Variants in TMPRSS12 observed in about 807,000 individuals in gnomAD.
TMPRSS12 encodes transmembrane protease serine 12.
TMPRSS12 carries 25 observed loss-of-function variants against 26.0 expected under a neutral mutation model. The observed-to-expected ratio is 0.96, with a 90% confidence interval of 0.70 to 1.34. The LOEUF (loss-of-function observed/expected upper bound fraction) is 1.34, where lower values mean the gene tolerates loss of function less well. Among genes scored for constraint, TMPRSS12 ranks in the 40% most tolerant of loss-of-function variants. The probability of loss-of-function intolerance (pLI) is 0.00; values close to 1 mark genes in which losing one functional copy is unlikely to be tolerated. For synonymous variants in TMPRSS12, 150 were observed against 161.7 expected (o/e 0.93, Z 0.55); for missense variants, 441 against 440.1 (o/e 1.00, Z -0.02).
intron 2 of TMPRSS12, among the ~76,000 whole-genome samples, chr12:50,856,668 TG>T (rs1479449518): frequency 4.6e-5 from 7 of 151,710 alleles, no homozygotes; most frequent in Non-Finnish European, 5.9e-5. Context: ...AACATTTTTG[TG>T]GTTTTTTTGT....
intron 3 of TMPRSS12, among the ~76,000 whole-genome samples, chr12:50,879,407 A>G (rs772788368): frequency 5.9e-5 from 9 of 152,242 alleles, no homozygotes; most frequent in Non-Finnish European, 8.8e-5. Flanking sequence ...GTGTATAAAA[A>G]AAGATAATAC....
chr12:50,856,589 C>A (rs1482291747), intron 2 of TMPRSS12, among the ~76,000 whole-genome samples: 1 of 151,834 alleles, frequency 6.6e-6, no homozygotes, highest in Non-Finnish European at 1.5e-5. Context: ...CTGTAAATAC[C>A]CAAGAGTGAG....
At chr12:50,863,398 A>G (rs932004416) in intron 3 of TMPRSS12, among the ~76,000 whole-genome samples, 9 of 152,170 alleles carry the variant, frequency 5.9e-5, no homozygotes, top group African/African-American at 2.2e-4. Flanking sequence ...TACACTTACC[A>G]TATGACCCAG....
intron 3 of TMPRSS12, 131 bp downstream of exon 3, chr12:50,859,184 G>T (rs1937911344): frequency 1.2e-6 from 1 of 823,192 alleles, no homozygotes; most frequent in Non-Finnish European, 1.8e-6. Flanking sequence ...CACGATGGTG[G>T]TCTATAAGAT....
chr12:50,867,206 G>A (rs986845484), intron 3 of TMPRSS12, among the ~76,000 whole-genome samples: 17 of 152,310 alleles, frequency 1.1e-4, no homozygotes, highest in South Asian at 1.0e-3. Flanking sequence ...AGAGAAAGGC[G>A]AAGCCCAATG....
At chr12:50,874,628 G>T (rs147324748) in intron 3 of TMPRSS12, among the ~76,000 whole-genome samples, 114 of 152,290 alleles carry the variant, frequency 7.5e-4, no homozygotes, top group African/African-American at 2.6e-3. Flanking sequence ...CAAACTATCT[G>T]TCTTCACTAA....
intron 3 of TMPRSS12, among the ~76,000 whole-genome samples, chr12:50,875,056 A>G (rs937511213): frequency 2.0e-5 from 3 of 152,146 alleles, no homozygotes; most frequent in Admixed American, 6.5e-5. Context: ...CAAGCTACCA[A>G]TGTTGTTTTT....
intron 3 of TMPRSS12, among the ~76,000 whole-genome samples, chr12:50,882,765 G>C (rs1313740225): frequency 3.6e-5 from 1 of 27,998 alleles, no homozygotes; most frequent in Non-Finnish European, 8.9e-5. Context: ...TAAAGGAATT[G>C]AATCAGTAGA....
intron 1 of TMPRSS12, 44 bp from the exon 2 acceptor site, chr12:50,843,798 A>G: frequency 6.5e-7 from 1 of 1,531,562 alleles, no homozygotes; most frequent in Non-Finnish European, 8.8e-7. Context: ...AGTAACACAT[A>G]CTATAGATGC....
At chr12:50,863,357 A>G (rs1434668267) in intron 3 of TMPRSS12, among the ~76,000 whole-genome samples, 1 of 152,188 alleles carries the variant, frequency 6.6e-6, no homozygotes, top group African/African-American at 2.4e-5. Context: ...AAAAACAGAC[A>G]TATGGTTTCT....
chr12:50,858,113 A>T (rs907238074), intron 2 of TMPRSS12, among the ~76,000 whole-genome samples: 1 of 152,180 alleles, frequency 6.6e-6, no homozygotes, highest in African/African-American at 2.4e-5. Flanking sequence ...AAGTGCTGGG[A>T]TTACAGGCGT....
At chr12:50,860,329 C>T (rs534252634) in intron 3 of TMPRSS12, among the ~76,000 whole-genome samples, 4 of 152,246 alleles carry the variant, frequency 2.6e-5, no homozygotes, top group South Asian at 4.1e-4. Flanking sequence ...AAAACATAGA[C>T]GACACAGTCT....
intron 3 of TMPRSS12, among the ~76,000 whole-genome samples, chr12:50,872,322 G>A (rs1233968274): frequency 6.7e-6 from 1 of 150,314 alleles, no homozygotes; most frequent in African/African-American, 2.5e-5. Flanking sequence ...GACCATCCTG[G>A]CTAACAAGGT....
intron 3 of TMPRSS12, among the ~76,000 whole-genome samples, chr12:50,870,657 A>G (rs1239736582): frequency 6.6e-6 from 1 of 152,192 alleles, no homozygotes; most frequent in Non-Finnish European, 1.5e-5. Flanking sequence ...AGAGGAAGTC[A>G]AAGTGTCACT....
At chr12:50,867,673 T>G (rs1938004464) in intron 3 of TMPRSS12, among the ~76,000 whole-genome samples, 1 of 152,186 alleles carries the variant, frequency 6.6e-6, no homozygotes. Context: ...CACACTGTCA[T>G]CAGGTTATCT....
chr12:50,852,305 A>G (rs1937833392), intron 2 of TMPRSS12, among the ~76,000 whole-genome samples: 1 of 152,252 alleles, frequency 6.6e-6, no homozygotes, highest in African/African-American at 2.4e-5. Context: ...CACATCTCAC[A>G]TGCAATGACA....
chr12:50,873,468 G>A (rs891743999), intron 3 of TMPRSS12, among the ~76,000 whole-genome samples: 1 of 152,076 alleles, frequency 6.6e-6, no homozygotes, highest in Admixed American at 6.6e-5. Context: ...AACAAAAAGT[G>A]AATTTACTAC....
chr12:50,867,283 G>GA (rs1197201823), intron 3 of TMPRSS12, among the ~76,000 whole-genome samples: 1 of 152,080 alleles, frequency 6.6e-6, no homozygotes, highest in Non-Finnish European at 1.5e-5. Flanking sequence ...ATAGCATCAA[G>GA]AAAAAACAAA....
chr12:50,844,379 CT>C (rs1052347447), intron 2 of TMPRSS12, among the ~76,000 whole-genome samples: 158 of 144,748 alleles, frequency 1.1e-3, no homozygotes, highest in Admixed American at 1.4e-3. Flanking sequence ...TTATTTTTTA[CT>C]TTTTTTTTTT....
Sources: gnomAD v4.1 joint callset for allele counts (sites outside exome capture counted in the v4.1 genomes callset) on GRCh38, gnomAD v4.1.1 for gene constraint, MANE v1.5 for transcripts, NCBI Gene and HGNC (gene_info 2026-07-23, HGNC 2026-07-21) for gene names.